The following MAPK10 variants were observed in gnomAD, a reference collection of about 807,000 sequenced individuals.
MAPK10 encodes the protein mitogen-activated protein kinase 10.
In MAPK10, 25 loss-of-function variants were observed where a neutral mutation model predicts 59.3. That is an observed-to-expected ratio of 0.42 (90% confidence interval 0.31 to 0.59). MAPK10 has a LOEUF of 0.59. MAPK10 is among the 20% of genes least tolerant of loss of function. The probability of loss-of-function intolerance (pLI) is 0.15; values close to 1 mark genes in which losing one functional copy is unlikely to be tolerated. For missense variants in MAPK10, 351 were observed against 568.9 expected (o/e 0.62, Z 3.90); for synonymous variants, 190 against 200.5 (o/e 0.95, Z 0.44).
At chr4:86,367,879 T>C (rs1211127917) in intron 1 of MAPK10, among the ~76,000 whole-genome samples, 1 of 152,124 alleles carries the variant, frequency 6.6e-6, no homozygotes, top group Non-Finnish European at 1.5e-5. Context: ...CCCATCTTGG[T>C]TCTGCTTCAA....
chr4:86,166,360 A>G (rs1328665526), intron 3 of MAPK10, among the ~76,000 whole-genome samples: 2 of 152,188 alleles, frequency 1.3e-5, no homozygotes, highest in African/African-American at 4.8e-5. Context: ...ACTTTTTATT[A>G]GTGGAAAGGT....
chr4:86,324,257 C>T (rs1006833731), intron 2 of MAPK10, among the ~76,000 whole-genome samples: 2 of 151,782 alleles, frequency 1.3e-5, no homozygotes, highest in Non-Finnish European at 2.9e-5. Context: ...AATGAAAATA[C>T]AAAATTAGCC....
At chr4:86,244,813 C>T (rs188609227) in intron 2 of MAPK10, among the ~76,000 whole-genome samples, 5 of 152,324 alleles carry the variant, frequency 3.3e-5, no homozygotes, top group Admixed American at 6.5e-5. Flanking sequence ...TAAGTATTCT[C>T]ACATTTTTTA....
chr4:86,564,078 A>C (rs116716905), intron 1 of MAPK10, among the ~76,000 whole-genome samples: 7,126 of 152,054 alleles, frequency 0.047, 222 homozygotes, highest in African/African-American at 0.059. Flanking sequence ...GTGATCAGTC[A>C]CCCTCGGCCT....
At chr4:86,387,226 T>A (rs902480499) in intron 1 of MAPK10, among the ~76,000 whole-genome samples, 1 of 152,136 alleles carries the variant, frequency 6.6e-6, no homozygotes, top group Non-Finnish European at 1.5e-5. Context: ...TGGGCAATGA[T>A]GATTGTCTCA....
At chr4:86,096,009 C>A (rs965854594) in intron 9 of MAPK10, among the ~76,000 whole-genome samples, 4 of 151,676 alleles carry the variant, frequency 2.6e-5, no homozygotes, top group African/African-American at 7.2e-5. Flanking sequence ...TGTCTTTATG[C>A]AATTTTTTTT....
intron 2 of MAPK10, among the ~76,000 whole-genome samples, chr4:86,333,679 T>C (rs74986673): frequency 0.082 from 12,467 of 152,204 alleles, 724 homozygotes; most frequent in East Asian, 0.26. Flanking sequence ...TCTCTGAAGC[T>C]AGGATGCCTG....
At chr4:86,500,206 G>A (rs1021467410) in intron 1 of MAPK10, among the ~76,000 whole-genome samples, 14 of 152,158 alleles carry the variant, frequency 9.2e-5, no homozygotes, top group African/African-American at 3.4e-4. Context: ...TAGCTATGGT[G>A]ATTTGATCCT....
intron 9 of MAPK10, among the ~76,000 whole-genome samples, chr4:86,071,163 T>C (rs1481112315): frequency 6.6e-6 from 1 of 152,180 alleles, no homozygotes; most frequent in African/African-American, 2.4e-5. Flanking sequence ...CATTTTTTCA[T>C]GTGTTTTTTG....
chr4:86,071,291 A>G (rs1237978924), intron 9 of MAPK10, among the ~76,000 whole-genome samples: 3 of 148,300 alleles, frequency 2.0e-5, no homozygotes, highest in Admixed American at 6.7e-5. Context: ...TCTGGATATT[A>G]GCCCTTTGTC....
chr4:86,496,574 G>T (rs1639738577), intron 1 of MAPK10, among the ~76,000 whole-genome samples: 1 of 152,084 alleles, frequency 6.6e-6, no homozygotes, highest in African/African-American at 2.4e-5. Context: ...TCTTTTCAAG[G>T]CATTGAAAGG....
At chr4:86,376,096 C>A (rs1262396627) in intron 1 of MAPK10, among the ~76,000 whole-genome samples, 1 of 152,156 alleles carries the variant, frequency 6.6e-6, no homozygotes, top group African/African-American at 2.4e-5. Flanking sequence ...CTTCAGCAAT[C>A]TTTCAATAAC....
chr4:86,591,573 C>A (rs1763051227), intron 1 of MAPK10, among the ~76,000 whole-genome samples: 1 of 152,004 alleles, frequency 6.6e-6, no homozygotes, highest in South Asian at 2.1e-4. Flanking sequence ...AGGGTTTCAC[C>A]ATGTTGCCCA....
At chr4:86,114,605 A>C (rs962039365) in intron 4 of MAPK10, among the ~76,000 whole-genome samples, 1 of 152,054 alleles carries the variant, frequency 6.6e-6, no homozygotes, top group African/African-American at 2.4e-5. Flanking sequence ...TGGCCAGAAC[A>C]CTCCTGTAGG....
intron 1 of MAPK10, among the ~76,000 whole-genome samples, chr4:86,503,697 A>G (rs1480413131): frequency 6.6e-6 from 1 of 152,158 alleles, no homozygotes; most frequent in East Asian, 1.9e-4. Flanking sequence ...TAATTATTTT[A>G]AAACATTTCA....
intron 1 of MAPK10, among the ~76,000 whole-genome samples, chr4:86,384,886 GAA>G (rs1163364893): frequency 6.6e-6 from 1 of 151,708 alleles, no homozygotes; most frequent in African/African-American, 2.4e-5. Context: ...AAACTAGAGA[GAA>G]AAAGGAAAAA....
intron 13 of MAPK10, among the ~76,000 whole-genome samples, chr4:86,021,826 C>T (rs1330019167): frequency 6.6e-6 from 1 of 152,260 alleles, no homozygotes; most frequent in Non-Finnish European, 1.5e-5. Flanking sequence ...GGACCCAGTA[C>T]ACCTTCCGCA....
intron 1 of MAPK10, among the ~76,000 whole-genome samples, chr4:86,557,928 A>AAT (rs1235976836): frequency 6.6e-6 from 1 of 152,210 alleles, no homozygotes; most frequent in African/African-American, 2.4e-5. Flanking sequence ...AGAAGTTAAT[A>AAT]ATATCTTTAT....
At chr4:86,537,904 C>G (rs967518877) in intron 1 of MAPK10, among the ~76,000 whole-genome samples, 1 of 152,238 alleles carries the variant, frequency 6.6e-6, no homozygotes, top group East Asian at 1.9e-4. Context: ...TTTCCCACCC[C>G]TCTTTTGTAA....
Sources: allele counts gnomAD v4.1 joint callset (sites outside exome capture counted in the v4.1 genomes callset), GRCh38; gene constraint gnomAD v4.1.1; transcripts MANE v1.5; gene names NCBI Gene and HGNC (gene_info 2026-07-23, HGNC 2026-07-21).